SND1: variants seen among roughly 807,000 people sequenced by gnomAD.
SND1 encodes the protein staphylococcal nuclease domain-containing protein 1.
A neutral mutation model predicts 121.7 loss-of-function variants in SND1; 38 were observed. The observed-to-expected ratio is 0.31, with a 90% CI of 0.24 to 0.41. SND1 has a LOEUF of 0.41. SND1 is among the 10% of genes least tolerant of loss of function. The pLI, the probability that SND1 is intolerant of heterozygous loss-of-function variation, is 1.00. For synonymous variants in SND1, 401 were observed against 447.4 expected (o/e 0.90, Z 1.31); for missense variants, 868 against 1,184.6 (o/e 0.73, Z 3.92).
intron 12 of SND1, among the ~76,000 whole-genome samples, chr7:127,884,027 A>G (rs531591630): frequency 1.3e-5 from 2 of 152,154 alleles, no homozygotes; most frequent in Admixed American, 6.5e-5. Context: ...ACCTCTCATT[A>G]AACTCCCAAG....
intron 16 of SND1, among the ~76,000 whole-genome samples, chr7:128,043,899 G>A (rs560332673): frequency 2.7e-5 from 4 of 149,962 alleles, no homozygotes; most frequent in South Asian, 4.2e-4. Flanking sequence ...CGTAATAAAC[G>A]TTGCAACACT....
chr7:128,037,474 G>A (rs184913035), intron 16 of SND1, among the ~76,000 whole-genome samples: 19 of 152,242 alleles, frequency 1.2e-4, no homozygotes, highest in Non-Finnish European at 1.8e-4. Flanking sequence ...TCAAATTCCC[G>A]TCACAGGGTT....
intron 14 of SND1, among the ~76,000 whole-genome samples, chr7:127,928,563 T>G (rs1800896377): frequency 6.6e-6 from 1 of 151,614 alleles, no homozygotes; most frequent in African/African-American, 2.4e-5. Flanking sequence ...AGTACTGGTC[T>G]TCTTACCTCA....
At chr7:127,731,173 T>C (rs949600053) in intron 10 of SND1, among the ~76,000 whole-genome samples, 2 of 152,248 alleles carry the variant, frequency 1.3e-5, no homozygotes, top group Non-Finnish European at 2.9e-5. Flanking sequence ...GTGGGGGCAC[T>C]GCCCGCCCGA....
At position 128,029,543 on chromosome 7, in the gene SND1, C is replaced by T; in HGVS notation, c.1779+38487C>T. ...GACACTTAAGTTCTGCCATCCGACC[C>T]TCAGAAATGTTGAGGTCTCGAGGTG... On this transcript the variant is annotated intron_variant, in intron 16 of 23. Transcript: ENST00000354725. The surrounding 1 kb of genome is among the most constrained non-coding windows in gnomAD (Gnocchi z 4.2). The T allele has an allele frequency of 6.2e-7, 1 of 1,614,080 alleles. No homozygotes were observed. The highest frequency in any genetic ancestry group is 8.5e-7 in the Non-Finnish European group (1 of 1,180,028).
chr7:127,697,900 C>T (rs1380469754), intron 3 of SND1, among the ~76,000 whole-genome samples: 1 of 152,140 alleles, frequency 6.6e-6, no homozygotes, highest in Non-Finnish European at 1.5e-5. Flanking sequence ...TGCTGTGTTT[C>T]AGATTATCTT....
chr7:128,091,745 C>T lies in SND1; in HGVS notation c.2623-92C>T, dbSNP rs1314693815. 3.7e-6 allele frequency: 5 copies of T among 1,337,484 alleles called. 1 individual carries two copies. The African/African-American group carries it at 4.3e-5, about 12-fold the overall frequency. The allele number at this position is 1,337,484 out of a possible 1,614,324, so 82.9% of individuals were successfully genotyped here. ...TTGGACAGGCTTGAGCAAGGGAGAG[C>T]TCTGGCGCTTACCTAAGCATTCTGC... On this transcript the variant is annotated intron_variant, in intron 22 of 23. Transcript: ENST00000354725.
chr7:127,844,821 C>G (rs1334352277), intron 12 of SND1, among the ~76,000 whole-genome samples: 1 of 152,150 alleles, frequency 6.6e-6, no homozygotes, highest in African/African-American at 2.4e-5. Flanking sequence ...GTTAATTGGA[C>G]ATTTTCTTGT....
chr7:127,793,883 C>A (rs1389314461), intron 10 of SND1, among the ~76,000 whole-genome samples: 1 of 152,130 alleles, frequency 6.6e-6, no homozygotes, highest in African/African-American at 2.4e-5. Flanking sequence ...GAGAAAAGAA[C>A]CCCAACAAAT....
At chr7:127,669,138 G>A (rs1055806825) in intron 1 of SND1, among the ~76,000 whole-genome samples, 6 of 152,168 alleles carry the variant, frequency 3.9e-5, no homozygotes, top group African/African-American at 1.4e-4. Flanking sequence ...GACTACAGGC[G>A]CTCGACACCA....
At chr7:128,019,507 G>T (rs376048574) in intron 16 of SND1, among the ~76,000 whole-genome samples, 5 of 152,106 alleles carry the variant, frequency 3.3e-5, no homozygotes, top group African/African-American at 9.7e-5. Context: ...AGAAATTGCC[G>T]CTCCTTAATG....
intron 15 of SND1, among the ~76,000 whole-genome samples, chr7:127,980,718 G>T (rs1441144895): frequency 6.6e-6 from 1 of 152,166 alleles, no homozygotes; most frequent in Non-Finnish European, 1.5e-5. Context: ...AAACAGCTTG[G>T]TCTAGAAAAA....
At position 127,697,383 on chromosome 7, in the gene SND1, A is replaced by G. The variant is rs555661917; in HGVS notation, c.350-1492A>G. Among the ~76,000 whole-genome samples the G allele has an allele frequency of 9.2e-5, 14 of 152,306 alleles. No homozygotes were observed. The East Asian group carries it at 2.1e-3, about 23-fold the overall frequency. On this transcript the variant is annotated intron_variant, in intron 3 of 23. Transcript: ENST00000354725. ...TAGAAGTGGGCCATTTCAGCAAGCTATGTGCCAAGAAAATGTCTGACTTAT... is the reference window on the plus strand; with the variant it reads ...TAGAAGTGGGCCATTTCAGCAAGCTGTGTGCCAAGAAAATGTCTGACTTAT...
At chr7:127,935,729 C>T (rs2116830161) in intron 15 of SND1, among the ~76,000 whole-genome samples, 1 of 152,320 alleles carries the variant, frequency 6.6e-6, no homozygotes, top group East Asian at 1.9e-4. Context: ...CCTGCTAGAG[C>T]TTTGCAGATA....
intron 12 of SND1, among the ~76,000 whole-genome samples, chr7:127,868,543 C>T (rs1799520751): frequency 6.6e-6 from 1 of 152,140 alleles, no homozygotes; most frequent in African/African-American, 2.4e-5. Flanking sequence ...TATTTCTAGG[C>T]TTGGCTAAGG....
intron 9 of SND1, among the ~76,000 whole-genome samples, chr7:127,711,363 G>T (rs1796294155): frequency 6.6e-6 from 1 of 152,058 alleles, no homozygotes; most frequent in East Asian, 1.9e-4. Context: ...TAGTTTAGCT[G>T]GATATAGAAT....
intron 11 of SND1, among the ~76,000 whole-genome samples, chr7:127,813,235 G>A (rs887740366): frequency 6.6e-6 from 1 of 152,162 alleles, no homozygotes; most frequent in African/African-American, 2.4e-5. Flanking sequence ...AACATGCATT[G>A]GAGACCATGT....
chr7:127,903,586 G>A (rs952163931), intron 13 of SND1, among the ~76,000 whole-genome samples: 1 of 152,148 alleles, frequency 6.6e-6, no homozygotes, highest in Non-Finnish European at 1.5e-5. Flanking sequence ...GAAGCAAGGG[G>A]GCTCAGGTGG....
intron 13 of SND1, among the ~76,000 whole-genome samples, chr7:127,902,429 G>A (rs1800251651): frequency 3.9e-5 from 6 of 152,218 alleles, no homozygotes; most frequent in Admixed American, 3.9e-4. Context: ...TCTTACGGCT[G>A]CTCCTTCCAA....
Sources: allele counts gnomAD v4.1 joint callset (sites outside exome capture counted in the v4.1 genomes callset), GRCh38; gene constraint gnomAD v4.1.1; non-coding constraint Gnocchi (gnomAD v3.1); transcripts MANE v1.5; gene names NCBI Gene and HGNC (gene_info 2026-07-23, HGNC 2026-07-21).